Variants in CNBD1 observed in about 807,000 individuals in gnomAD.
The protein encoded by CNBD1 is cyclic nucleotide binding domain containing 1, also known as cyclic nucleotide-binding domain-containing protein 1.
A neutral mutation model predicts 54.4 loss-of-function variants in CNBD1; 71 were observed. That is an observed-to-expected ratio of 1.30 (90% CI 1.08 to 1.59). The LOEUF is 1.59. CNBD1 is among the 40% of genes most tolerant of loss of function. The pLI is 0.00. For synonymous variants in CNBD1, 182 were observed against 170.7 expected (o/e 1.07, Z -0.51); for missense variants, 659 against 518.0 (o/e 1.27, Z -2.64).
At chr8:87,012,329 A>G (rs192465082) in intron 4 of CNBD1, among the ~76,000 whole-genome samples, 310 of 152,322 alleles carry the variant, frequency 2.0e-3, no homozygotes, top group Non-Finnish European at 2.3e-3. Flanking sequence ...TAAGAGGTCT[A>G]GGGAGTCATG....
chr8:86,986,052 T>A (rs1808599797), intron 4 of CNBD1, among the ~76,000 whole-genome samples: 1 of 152,080 alleles, frequency 6.6e-6, no homozygotes, highest in African/African-American at 2.4e-5. Flanking sequence ...TGCCTCAGCC[T>A]CCCAAGTACC....
At chr8:87,253,127 A>G (rs1471177611) in intron 6 of CNBD1, among the ~76,000 whole-genome samples, 5 of 152,016 alleles carry the variant, frequency 3.3e-5, no homozygotes, top group Non-Finnish European at 1.5e-5. Flanking sequence ...ATAAGCTAAA[A>G]CAGCCAAGCC....
intron 5 of CNBD1, among the ~76,000 whole-genome samples, chr8:87,224,575 G>A (rs1385793034): frequency 6.6e-6 from 1 of 151,336 alleles, no homozygotes; most frequent in Admixed American, 6.6e-5. Flanking sequence ...TTATTTCTGA[G>A]GGCTCTGTTC....
chr8:87,323,388 C>A (rs1161281357), intron 8 of CNBD1, among the ~76,000 whole-genome samples: 1 of 139,702 alleles, frequency 7.2e-6, no homozygotes, highest in East Asian at 2.0e-4. Context: ...CTGTAAATTA[C>A]CTTGGGCAGT....
intron 10 of CNBD1, among the ~76,000 whole-genome samples, chr8:87,359,355 A>G (rs78589185): frequency 0.019 from 2,837 of 152,178 alleles, 90 homozygotes; most frequent in African/African-American, 0.062. Flanking sequence ...TGCTGACATG[A>G]TGTGTGCCTA....
rs184329728 is a variant in CNBD1, at chr8:87,128,280, A to T, written c.432-77713A>T. ...TCCCGGATGGCAAGGCTAAAAGAGG[A>T]TACTGTAAGACAGGCCCACTTGGGC... On this transcript the variant is annotated intron_variant, in intron 4 of 10. Transcript: ENST00000518476. Among the ~76,000 whole-genome samples, 563 of 152,340 alleles carry T rather than the reference A, an allele frequency of 3.7e-3. 4 individuals carry two copies. Among genetic ancestry groups the T allele is most frequent in the Non-Finnish European group, 6.1e-3 (413 of 68,040 alleles).
intron 4 of CNBD1, among the ~76,000 whole-genome samples, chr8:87,200,464 GAA>G (rs367788220): frequency 6.6e-6 from 1 of 151,808 alleles, no homozygotes; most frequent in African/African-American, 2.4e-5. Flanking sequence ...AAATGAATAA[GAA>G]AAAACAATTA....
chr8:87,396,168 C>A (rs551616314), intron 2 of CNBD1, among the ~76,000 whole-genome samples: 1 of 151,988 alleles, frequency 6.6e-6, no homozygotes, highest in African/African-American at 2.4e-5. Flanking sequence ...TTGAATATAG[C>A]CCTTTAATGT....
chr8:87,159,313 A>G (rs1812808297), intron 4 of CNBD1, among the ~76,000 whole-genome samples: 1 of 152,116 alleles, frequency 6.6e-6, no homozygotes, highest in African/African-American at 2.4e-5. Flanking sequence ...CTAAAACTGA[A>G]CCCCTCATAT....
intron 2 of CNBD1, among the ~76,000 whole-genome samples, chr8:87,422,125 TG>T (rs1433689332): frequency 6.8e-6 from 1 of 146,896 alleles, no homozygotes; most frequent in African/African-American, 2.6e-5. Flanking sequence ...TGGGGCTGTT[TG>T]TTTTTTTCTT....
At chr8:87,348,113 G>A (rs922008553) in intron 8 of CNBD1, among the ~76,000 whole-genome samples, 3 of 152,048 alleles carry the variant, frequency 2.0e-5, no homozygotes, top group Admixed American at 6.6e-5. Context: ...GATATTTTGT[G>A]TATAGTATTC....
intron 2 of CNBD1, among the ~76,000 whole-genome samples, chr8:87,388,399 T>TA (rs1462352576): frequency 4.0e-5 from 6 of 151,476 alleles, no homozygotes; most frequent in Non-Finnish European, 7.4e-5. Flanking sequence ...ATAGACACAA[T>TA]AAAAAATGAT....
intron 5 of CNBD1, among the ~76,000 whole-genome samples, chr8:87,228,807 A>G (rs1290343349): frequency 6.6e-6 from 1 of 152,150 alleles, no homozygotes; most frequent in Admixed American, 6.5e-5. Context: ...TACCTAATCA[A>G]GCCTGGGCAA....
intron 4 of CNBD1, among the ~76,000 whole-genome samples, chr8:87,140,196 C>A (rs1373518949): frequency 6.6e-6 from 1 of 152,068 alleles, no homozygotes; most frequent in Non-Finnish European, 1.5e-5. Context: ...TGTTAAATTT[C>A]TGTCTCTGTC....
intron 8 of CNBD1, among the ~76,000 whole-genome samples, chr8:87,290,566 G>T (rs1393907899): frequency 6.6e-6 from 1 of 152,006 alleles, no homozygotes; most frequent in Non-Finnish European, 1.5e-5. Flanking sequence ...GGTACTTTTT[G>T]ATTTTTCATG....
intron 4 of CNBD1, among the ~76,000 whole-genome samples, chr8:87,181,589 TG>T (rs1761645451): frequency 6.6e-6 from 1 of 152,208 alleles, no homozygotes; most frequent in South Asian, 2.1e-4. Context: ...TGTTAGTAAT[TG>T]TGTTTTTACT....
chr8:87,221,368 A>G lies in CNBD1; in HGVS notation c.577+15230A>G, dbSNP rs1174468174. 7.2e-5 allele frequency among the ~76,000 whole-genome samples: 11 copies of G among 152,220 alleles called. 1 individual carries two copies. In the South Asian group the frequency reaches 8.3e-4, roughly 11 times the overall value. On this transcript the variant is annotated intron_variant, in intron 5 of 10. Transcript: ENST00000518476. ...TACTTTTTCCTGTACTGTGCTTCTG[A>G]CAAACTGGGTAATTCACTGTTCTTT...
chr8:87,007,408 T>A (rs1470147118), intron 4 of CNBD1, among the ~76,000 whole-genome samples: 1 of 152,174 alleles, frequency 6.6e-6, no homozygotes, highest in East Asian at 1.9e-4. Context: ...CTTTGTATTA[T>A]GTGATCCATT....
intron 6 of CNBD1, among the ~76,000 whole-genome samples, chr8:87,260,535 A>G (rs1175674688): frequency 6.6e-6 from 1 of 152,172 alleles, no homozygotes; most frequent in Non-Finnish European, 1.5e-5. Flanking sequence ...TCAAAACTTT[A>G]CAGGGGAGAT....
Sources: allele counts gnomAD v4.1 joint callset (sites outside exome capture counted in the v4.1 genomes callset), GRCh38; gene constraint gnomAD v4.1.1; transcripts MANE v1.5; gene names NCBI Gene and HGNC (gene_info 2026-07-23, HGNC 2026-07-21).